The following UTRN variants were observed in gnomAD, a reference collection of about 807,000 sequenced individuals.
The protein encoded by UTRN is utrophin, also known as dystrophin-related protein 1.
In UTRN, 283 loss-of-function variants were observed where a neutral mutation model predicts 463.9. That is an observed-to-expected ratio of 0.61 (90% confidence interval 0.55 to 0.67). The LOEUF (loss-of-function observed/expected upper bound fraction) is 0.67, where lower values mean the gene tolerates loss of function less well. Among genes scored for constraint, UTRN ranks in the 30% least tolerant of loss-of-function variants. The pLI is 0.00. For missense variants in UTRN, 3,922 were observed against 4,084.3 expected, an observed-to-expected ratio of 0.96 and a Z score of 1.08; for synonymous variants, 1,442 against 1,431.5, an observed-to-expected ratio of 1.01 and a Z score of -0.17.
At chr6:144,844,457 T>C (rs905178642) in intron 73 of UTRN, among the ~76,000 whole-genome samples, 1 of 152,052 alleles carries the variant, frequency 6.6e-6, no homozygotes, top group Non-Finnish European at 1.5e-5. Context: ...TTAGTAGAGA[T>C]CGGGTTTCAC....
At chr6:144,626,387 A>G (rs1204514679) in intron 51 of UTRN, among the ~76,000 whole-genome samples, 1 of 152,214 alleles carries the variant, frequency 6.6e-6, no homozygotes, top group African/African-American at 2.4e-5. Context: ...CCCTCTCGCA[A>G]CTGGTCAAGG....
chr6:144,583,973 A>G (rs1393932932), intron 51 of UTRN, among the ~76,000 whole-genome samples: 1 of 152,204 alleles, frequency 6.6e-6, no homozygotes, highest in Non-Finnish European at 1.5e-5. Context: ...TTAAAAGAAG[A>G]GTGCCAAATA....
intron 9 of UTRN, 140 bp from the exon 10 acceptor site, chr6:144,435,795 G>A (rs765950474): frequency 2.5e-6 from 2 of 792,698 alleles, no homozygotes; most frequent in Non-Finnish European, 4.0e-6. Context: ...ATTCATGGCA[G>A]TGCCCATTTG....
At chr6:144,413,447 A>G (rs1202050718) in intron 3 of UTRN, among the ~76,000 whole-genome samples, 5 of 152,120 alleles carry the variant, frequency 3.3e-5, no homozygotes, top group Admixed American at 2.6e-4. Flanking sequence ...CACGTCTTGC[A>G]TGGCGTCAGG....
chr6:144,337,182 CACACACACACACCACACA>C (rs1562263679), intron 2 of UTRN, among the ~76,000 whole-genome samples: 10 of 136,320 alleles, frequency 7.3e-5, no homozygotes, highest in African/African-American at 2.7e-4. Context: ...CACACAGACA[CACACACACACACCACACA>C]CACACACACA....
At chr6:144,686,251 C>T (rs1002576217) in intron 52 of UTRN, among the ~76,000 whole-genome samples, 1 of 152,086 alleles carries the variant, frequency 6.6e-6, no homozygotes, top group African/African-American at 2.4e-5. Context: ...CTTCATTGGT[C>T]TATGAAGATG....
intron 54 of UTRN, among the ~76,000 whole-genome samples, chr6:144,747,860 AC>A (rs1790936961): frequency 6.6e-6 from 1 of 152,172 alleles, no homozygotes; most frequent in Non-Finnish European, 1.5e-5. Flanking sequence ...AATTATACTT[AC>A]CATTTCTCTT....
At chr6:144,502,120 A>T (rs946370826) in intron 34 of UTRN, among the ~76,000 whole-genome samples, 1 of 151,730 alleles carries the variant, frequency 6.6e-6, no homozygotes, top group South Asian at 2.1e-4. Context: ...TTTTTTTGAA[A>T]AAAAGTAAAT....
intron 24 of UTRN, 99 bp downstream of exon 24, chr6:144,473,932 C>T (rs368239144): frequency 4.2e-6 from 3 of 706,580 alleles, no homozygotes; most frequent in Non-Finnish European, 4.6e-6. Flanking sequence ...TATAGCATAG[C>T]ATTACATCTA....
chr6:144,646,971 G>A (rs1778366673), intron 51 of UTRN, among the ~76,000 whole-genome samples: 1 of 152,082 alleles, frequency 6.6e-6, no homozygotes. Flanking sequence ...AGTCAAAATA[G>A]CTCAGTCTGC....
At chr6:144,590,730 C>G (rs937993160) in intron 51 of UTRN, among the ~76,000 whole-genome samples, 4 of 152,060 alleles carry the variant, frequency 2.6e-5, no homozygotes, top group Non-Finnish European at 5.9e-5. Context: ...TCAAACAGTT[C>G]TGGCTTTGCC....
At chr6:144,803,214 ATTAT>A (rs1402953457) in intron 65 of UTRN, 67 bp downstream of exon 65, 67 of 988,176 alleles carry the variant, frequency 6.8e-5, no homozygotes, top group Non-Finnish European at 8.5e-5. Flanking sequence ...CTAAAATTTT[ATTAT>A]TTATTTAGAC....
intron 52 of UTRN, among the ~76,000 whole-genome samples, chr6:144,683,834 A>T (rs1399165120): frequency 1.3e-5 from 2 of 152,118 alleles, no homozygotes; most frequent in East Asian, 3.9e-4. Flanking sequence ...GCCAGAAAAC[A>T]CTGGCTGAAA....
chr6:144,703,869 G>T (rs1399174678), intron 53 of UTRN, among the ~76,000 whole-genome samples: 1 of 152,170 alleles, frequency 6.6e-6, no homozygotes, highest in Non-Finnish European at 1.5e-5. Context: ...GCTGAAGAAA[G>T]AATGTAGGGT....
intron 51 of UTRN, among the ~76,000 whole-genome samples, chr6:144,587,202 C>A (rs567212875): frequency 6.6e-6 from 1 of 152,290 alleles, no homozygotes. Context: ...GCCTGGCCTT[C>A]TAGGGGGCTT....
rs898564449 is a variant in UTRN, at chr6:144,506,072, C to A, written c.4765-4872C>A. Among the ~76,000 whole-genome samples the A allele has an allele frequency of 5.4e-5, 8 of 146,934 alleles. No individual in the cohort carries two copies. In the East Asian group the frequency reaches 1.6e-3, roughly 29 times the overall value. On this transcript the variant is annotated intron_variant, in intron 34 of 74. Coordinates refer to ENST00000367545, the MANE Select transcript of UTRN (RefSeq NM_007124.3). ...TCTGTTTTATCAGAGACTAGGATTG[C>A]AACCCCCGCATTTTTTTTTTTTTTG...
intron 45 of UTRN, among the ~76,000 whole-genome samples, chr6:144,540,692 T>C (rs1332510849): frequency 6.6e-6 from 1 of 152,188 alleles, no homozygotes; most frequent in African/African-American, 2.4e-5. Context: ...ATTACTTAAG[T>C]CAGAAATATT....
chr6:144,635,945 T>A (rs533612741), intron 51 of UTRN, among the ~76,000 whole-genome samples: 16 of 152,296 alleles, frequency 1.1e-4, no homozygotes, highest in Admixed American at 8.5e-4. Flanking sequence ...AATTATTATT[T>A]TTTTTAAATA....
At chr6:144,329,835 T>A (rs1040020484) in intron 2 of UTRN, among the ~76,000 whole-genome samples, 2 of 152,066 alleles carry the variant, frequency 1.3e-5, no homozygotes, top group African/African-American at 4.8e-5. Context: ...TGCCACAGAG[T>A]GTTTCAAAAG....
Sources: allele counts gnomAD v4.1 joint callset (sites outside exome capture counted in the v4.1 genomes callset), GRCh38; gene constraint gnomAD v4.1.1; transcripts MANE v1.5; gene names NCBI Gene and HGNC (gene_info 2026-07-23, HGNC 2026-07-21).